The following TGFBR2 variants were observed in gnomAD, a reference collection of about 807,000 sequenced individuals.
TGFBR2 encodes the protein TGF-beta receptor type-2.
In TGFBR2, 18 loss-of-function variants were observed where a neutral mutation model predicts 49.0. That is an observed-to-expected ratio of 0.37 (90% CI 0.25 to 0.54). The LOEUF is 0.54. TGFBR2 is among the 20% of genes least tolerant of loss of function. TGFBR2 has a pLI of 0.85. For synonymous variants in TGFBR2, 282 were observed against 275.9 expected (o/e 1.02, Z -0.22); for missense variants, 525 against 722.6 (o/e 0.73, Z 3.13).
chr3:30,671,723 A>G lies in TGFBR2; in HGVS notation c.540A>G (p.Ile180Met). 1.9e-6 allele frequency: 3 copies of G among 1,614,196 alleles called. No homozygotes were observed. The highest frequency in any genetic ancestry group is 2.5e-6 in the Non-Finnish European group (3 of 1,180,030). The change falls in exon 4 of 7, where the codon ATA becomes ATG. Residue 180 changes from isoleucine (I) to methionine (M), a missense_variant. Transcript: ENST00000295754. ...ISLLPPLGVA[I>M]SVIIIFYCYR... is the part of the protein sequence containing the mutation. ...TCCTGCCACCACTGGGAGTTGCCAT[A>G]TCTGTCATCATCATCTTCTACTGCT...
At chr3:30,653,849 C>A (rs1031718060) in intron 3 of TGFBR2, among the ~76,000 whole-genome samples, 1 of 152,140 alleles carries the variant, frequency 6.6e-6, no homozygotes, top group Admixed American at 6.5e-5. Context: ...CAGCCCTTTC[C>A]AAGCATGACC....
intron 1 of TGFBR2, among the ~76,000 whole-genome samples, chr3:30,639,456 A>T (rs1698604799): frequency 6.6e-6 from 1 of 152,254 alleles, no homozygotes; most frequent in Admixed American, 6.5e-5. Context: ...TCAAAACTGC[A>T]GCATTGATTT....
At chr3:30,644,946 C>G (rs571365646) in intron 2 of TGFBR2, 31 bp downstream of exon 2, 32 of 1,594,310 alleles carry the variant, frequency 2.0e-5, no homozygotes, top group Non-Finnish European at 2.7e-5. Flanking sequence ...GTTATTCTTT[C>G]TTTTCCCCTT....
intron 3 of TGFBR2, among the ~76,000 whole-genome samples, chr3:30,654,395 C>T (rs1349184996): frequency 6.6e-6 from 1 of 152,148 alleles, no homozygotes; most frequent in Non-Finnish European, 1.5e-5. Context: ...ACCCTGGAAT[C>T]CCTCAGTGGG....
chr3:30,689,105 A>G (rs759337245), intron 6 of TGFBR2, among the ~76,000 whole-genome samples: 1 of 152,216 alleles, frequency 6.6e-6, no homozygotes, highest in African/African-American at 2.4e-5. Flanking sequence ...GGAAGGAACG[A>G]GAAATCTGTC....
At chr3:30,613,552 A>G (rs200108368) in intron 1 of TGFBR2, among the ~76,000 whole-genome samples, 93 of 134,650 alleles carry the variant, frequency 6.9e-4, no homozygotes, top group Non-Finnish European at 1.2e-3. Context: ...GAGAGAGAGA[A>G]AGAGAGAGAG....
Position 30,678,546 on chromosome 3 carries a change from T to TCAAAAA in TGFBR2, c.1396+4300_1396+4301insCAAAAA, listed in dbSNP as rs370795703. Among the ~76,000 whole-genome samples, 33 of 100,814 alleles carry TCAAAAA rather than the reference T, an allele frequency of 3.3e-4. 7 individuals are homozygous for TCAAAAA. The highest frequency in any genetic ancestry group is 8.5e-4 in the East Asian group (3 of 3,510). The allele number at this position is 100,814 out of a possible 152,430, so 66.1% of individuals were successfully genotyped here. On this transcript the variant is annotated intron_variant, in intron 5 of 6. Coordinates refer to ENST00000295754, the MANE Select transcript of TGFBR2 (RefSeq NM_003242.6). The stretch of plus-strand genomic sequence containing the variant: ...CTGGGCGACAGAGCAAGACTGCGTC[T>TCAAAAA]AAAAAAAAAAAAAAAAAAAAAAGAG...
chr3:30,675,607 G>A (rs936811515), intron 5 of TGFBR2, among the ~76,000 whole-genome samples: 17 of 152,048 alleles, frequency 1.1e-4, no homozygotes, highest in East Asian at 1.9e-4. Flanking sequence ...GGCTGATATC[G>A]AACTCTTGAC....
rs1350347882 is a variant in TGFBR2, at chr3:30,694,104, T to G, written c.*2505T>G. 14 of 229,620 alleles carry G rather than the reference T, an allele frequency of 6.1e-5. No homozygotes were observed. In the East Asian group the frequency reaches 8.7e-4, roughly 14 times the overall value. The allele number at this position is 229,620 out of a possible 1,614,324, so 14.2% of individuals were successfully genotyped here. On this transcript the variant is annotated 3_prime_UTR_variant, in exon 7 of 7. Transcript: ENST00000295754. Reference sequence around the variant, plus strand: ...GATTGAATAAAGCAAAATACTCAGGTGAGCATCCTGCCTCCTGTTCCCATT... The same window carrying G: ...GATTGAATAAAGCAAAATACTCAGGGGAGCATCCTGCCTCCTGTTCCCATT...
At position 30,676,819 on chromosome 3, in the gene TGFBR2, T is replaced by C. The variant is rs1466454722; in HGVS notation, c.1396+2573T>C. On this transcript the variant is annotated intron_variant, in intron 5 of 6. Coordinates refer to ENST00000295754, the MANE Select transcript of TGFBR2 (RefSeq NM_003242.6). This position sits in a 1 kb window ranked among gnomAD's most constrained non-coding sequence, Gnocchi z 4.3. ...ACTTCCTATCTAGCTGACATAGTTA[T>C]TATTATCTAGTTTCTTGACTGAGAT... Among the ~76,000 whole-genome samples the C allele has an allele frequency of 1.3e-5, 2 of 152,222 alleles. No individual in the cohort carries two copies. Among genetic ancestry groups the C allele is most frequent in the Non-Finnish European group, 2.9e-5 (2 of 68,042 alleles).
Position 30,693,689 on chromosome 3 carries a change from A to G in TGFBR2, c.*2090A>G, listed in dbSNP as rs906272430. The stretch of plus-strand genomic sequence containing the variant: ...CGTAGGGCATGCTGATACCATCCCA[A>G]TAGCTGTTGCCCATTGACCTCTAGT... On this transcript the variant is annotated 3_prime_UTR_variant, in exon 7 of 7. Coordinates refer to ENST00000295754, the MANE Select transcript of TGFBR2 (RefSeq NM_003242.6). 6 of 233,566 alleles carry G rather than the reference A, an allele frequency of 2.6e-5. No homozygotes were observed. Among genetic ancestry groups the G allele is most frequent in the African/African-American group, 1.3e-4 (6 of 45,322 alleles). The allele number at this position is 233,566 out of a possible 1,614,324, so 14.5% of individuals were successfully genotyped here. A position where few individuals can be genotyped will look rare whatever the true frequency, so the allele number is the denominator to read the frequency against.
intron 5 of TGFBR2, among the ~76,000 whole-genome samples, chr3:30,684,410 A>T (rs943942861): frequency 2.0e-5 from 3 of 152,202 alleles, no homozygotes; most frequent in Non-Finnish European, 1.5e-5. Flanking sequence ...TAAATAGGAC[A>T]TTTTTCAGAA....
At chr3:30,643,789 C>T (rs548027425) in intron 1 of TGFBR2, among the ~76,000 whole-genome samples, 4 of 152,234 alleles carry the variant, frequency 2.6e-5, no homozygotes, top group South Asian at 2.1e-4. Flanking sequence ...AGCAAGTATG[C>T]GATGCAGATA....
chr3:30,664,549 A>T (rs1184170145), intron 3 of TGFBR2, among the ~76,000 whole-genome samples: 1 of 152,242 alleles, frequency 6.6e-6, no homozygotes, highest in Non-Finnish European at 1.5e-5. Context: ...TATGCCATAA[A>T]AAAAAATACA....
At chr3:30,632,337 A>AAAATTTC (rs1427055500) in intron 1 of TGFBR2, among the ~76,000 whole-genome samples, 1 of 152,206 alleles carries the variant, frequency 6.6e-6, no homozygotes, top group African/African-American at 2.4e-5. Flanking sequence ...AGAGGATTTG[A>AAAATTTC]AAATTGAACT....
intron 3 of TGFBR2, among the ~76,000 whole-genome samples, chr3:30,651,339 T>C (rs1378713098): frequency 6.6e-6 from 1 of 152,170 alleles, no homozygotes; most frequent in Admixed American, 6.5e-5. Flanking sequence ...CATTCATTCA[T>C]ATTATCTCCC....
At chr3:30,629,528 T>C (rs1394002859) in intron 1 of TGFBR2, among the ~76,000 whole-genome samples, 1 of 152,226 alleles carries the variant, frequency 6.6e-6, no homozygotes, top group Non-Finnish European at 1.5e-5. Flanking sequence ...TGTCCTTTTT[T>C]CTCTGTGACT....
At position 30,693,436 on chromosome 3, in the gene TGFBR2, T is replaced by A. The variant is rs894897412; in HGVS notation, c.*1837T>A. The A allele has an allele frequency of 4.7e-5, 11 of 233,566 alleles. No individual in the cohort carries two copies. Among genetic ancestry groups the A allele is most frequent in the African/African-American group, 2.2e-4 (10 of 45,350 alleles). 14.5% of individuals were successfully genotyped at this position (233,566 alleles called of 1,614,324 possible). On this transcript the variant is annotated 3_prime_UTR_variant, in exon 7 of 7. Transcript: ENST00000295754. ...CTGCAAGTAATCTCTTTTTTAAAACTTTTTGAAGCTACTTATTTTCAGCCA... is the reference window on the plus strand; with the variant it reads ...CTGCAAGTAATCTCTTTTTTAAAACATTTTGAAGCTACTTATTTTCAGCCA...
intron 1 of TGFBR2, among the ~76,000 whole-genome samples, chr3:30,611,612 G>C (rs1347690523): frequency 1.2e-5 from 1 of 85,838 alleles, no homozygotes; most frequent in East Asian, 5.1e-4. Flanking sequence ...AAGGGTGTCG[G>C]AAAGAGAATT....
Sources: gnomAD v4.1 joint callset for allele counts (sites outside exome capture counted in the v4.1 genomes callset) on GRCh38, gnomAD v4.1.1 for gene constraint, Gnocchi (gnomAD v3.1) non-coding constraint, MANE v1.5 for transcripts, NCBI Gene and HGNC (gene_info 2026-07-23, HGNC 2026-07-21) for gene names.